Variants in BICC1 observed in about 807,000 individuals in gnomAD.
BICC1 encodes the protein protein bicaudal C homolog 1.
BICC1 carries 43 observed loss-of-function variants against 111.0 expected under a neutral mutation model. The observed-to-expected ratio is 0.39, with a 90% CI of 0.30 to 0.50. The LOEUF (loss-of-function observed/expected upper bound fraction) is 0.50, where lower values mean the gene tolerates loss of function less well. BICC1 is among the 20% of genes least tolerant of loss of function. The pLI is 0.88. For synonymous variants in BICC1, 467 were observed against 434.4 expected, an observed-to-expected ratio of 1.07 and a Z score of -0.93; for missense variants, 1,091 against 1,203.2, an observed-to-expected ratio of 0.91 and a Z score of 1.38.
At chr10:58,518,688 T>C (rs557178743) in intron 1 of BICC1, among the ~76,000 whole-genome samples, 1 of 152,152 alleles carries the variant, frequency 6.6e-6, no homozygotes, top group South Asian at 2.1e-4. Context: ...GAGAGCATAG[T>C]TGCAATTAAA....
chr10:58,683,369 C>CT (rs1455563933), intron 2 of BICC1, among the ~76,000 whole-genome samples: 1 of 152,094 alleles, frequency 6.6e-6, no homozygotes, highest in Non-Finnish European at 1.5e-5. Context: ...AATGCGGGCT[C>CT]TTTTTTGGAT....
At position 58,610,819 on chromosome 10, in the gene BICC1, A is replaced by G. The variant is rs186136384; in HGVS notation, c.191-10036A>G. 7.9e-5 allele frequency among the ~76,000 whole-genome samples: 12 copies of G among 152,180 alleles called. No individual in the cohort carries two copies. The East Asian group carries it at 1.4e-3, about 17-fold the overall frequency. On this transcript the variant is annotated intron_variant, in intron 1 of 20. Coordinates refer to ENST00000373886, the MANE Select transcript of BICC1 (RefSeq NM_001080512.3). ...CTATTTCTGTCTTCTTTGGCTAGCT[A>G]TTGAGTTTGGATATAACTCACAGAG...
intron 3 of BICC1, among the ~76,000 whole-genome samples, chr10:58,734,947 T>G (rs1841423765): frequency 6.6e-6 from 1 of 152,188 alleles, no homozygotes; most frequent in African/African-American, 2.4e-5. Flanking sequence ...AAGCAGATCT[T>G]ACAGAATGAA....
chr10:58,599,201 A>T (rs149728738), intron 1 of BICC1, among the ~76,000 whole-genome samples: 1 of 152,130 alleles, frequency 6.6e-6, no homozygotes, highest in Admixed American at 6.6e-5. Flanking sequence ...ACATGCACAC[A>T]TATGTTTATT....
chr10:58,690,888 T>G (rs1185832270), intron 2 of BICC1, among the ~76,000 whole-genome samples: 3 of 152,214 alleles, frequency 2.0e-5, no homozygotes, highest in African/African-American at 7.2e-5. Flanking sequence ...AATTGGAGAC[T>G]AGAAAATTGC....
chr10:58,758,245 G>A (rs376343162), intron 3 of BICC1, among the ~76,000 whole-genome samples: 16 of 152,138 alleles, frequency 1.1e-4, no homozygotes, highest in South Asian at 2.1e-4. Context: ...ATAAGTTTGC[G>A]GTTCCCAAGT....
At chr10:58,657,073 G>A (rs1229922097) in intron 2 of BICC1, among the ~76,000 whole-genome samples, 1 of 152,082 alleles carries the variant, frequency 6.6e-6, no homozygotes, top group East Asian at 1.9e-4. Context: ...TTAAGTAGGT[G>A]CTGTTGTCAA....
chr10:58,634,341 C>T (rs976057963), intron 2 of BICC1, among the ~76,000 whole-genome samples: 6 of 152,096 alleles, frequency 3.9e-5, no homozygotes, highest in Non-Finnish European at 8.8e-5. Flanking sequence ...TGTTCCTGTT[C>T]CCATTTCTCC....
At chr10:58,782,916 CA>C (rs1243048789) in intron 3 of BICC1, among the ~76,000 whole-genome samples, 1 of 152,146 alleles carries the variant, frequency 6.6e-6, no homozygotes. Flanking sequence ...TAGAGTATAA[CA>C]GAGAAAGGGC....
chr10:58,535,626 C>T (rs1279778944), intron 1 of BICC1, among the ~76,000 whole-genome samples: 1 of 151,556 alleles, frequency 6.6e-6, no homozygotes, highest in East Asian at 1.9e-4. Context: ...GGATAGAAAC[C>T]TCTGAAAACA....
intron 4 of BICC1, among the ~76,000 whole-genome samples, 193 bp from the exon 5 acceptor site, chr10:58,786,730 A>G (rs1276958650): frequency 6.6e-6 from 1 of 152,232 alleles, no homozygotes; most frequent in Non-Finnish European, 1.5e-5. Context: ...CTTTCTTAAA[A>G]TGAGAATTTC....
chr10:58,530,231 T>G (rs1842644466), intron 1 of BICC1, among the ~76,000 whole-genome samples: 1 of 151,554 alleles, frequency 6.6e-6, no homozygotes, highest in African/African-American at 2.4e-5. Flanking sequence ...GACCAAGAAG[T>G]GAAATGAGGG....
At chr10:58,645,751 C>T (rs1485642587) in intron 2 of BICC1, among the ~76,000 whole-genome samples, 1 of 152,198 alleles carries the variant, frequency 6.6e-6, no homozygotes, top group Non-Finnish European at 1.5e-5. Context: ...TAAACGAAGG[C>T]ACATTGTCCA....
chr10:58,622,250 G>C (rs1344897863), intron 2 of BICC1, among the ~76,000 whole-genome samples: 1 of 152,156 alleles, frequency 6.6e-6, no homozygotes, highest in Non-Finnish European at 1.5e-5. Context: ...GGCTCTGATG[G>C]TAAAAATAGA....
intron 1 of BICC1, among the ~76,000 whole-genome samples, chr10:58,548,754 C>T (rs1015852702): frequency 1.3e-5 from 2 of 152,110 alleles, no homozygotes; most frequent in Non-Finnish European, 2.9e-5. Flanking sequence ...GGCTCAACAT[C>T]ATATTTATGT....
chr10:58,739,039 A>G (rs932580219), intron 3 of BICC1, among the ~76,000 whole-genome samples: 1 of 152,052 alleles, frequency 6.6e-6, no homozygotes, highest in Non-Finnish European at 1.5e-5. Flanking sequence ...AACAGGGACA[A>G]TTTGACTTCC....
At chr10:58,604,077 G>A (rs563895565) in intron 1 of BICC1, among the ~76,000 whole-genome samples, 1 of 152,054 alleles carries the variant, frequency 6.6e-6, no homozygotes, top group African/African-American at 2.4e-5. Flanking sequence ...GCCTTTCTTT[G>A]CTTCTGCTTT....
rs576877374 is a variant in BICC1, at chr10:58,730,924, G to A, written c.307+28781G>A. On this transcript the variant is annotated intron_variant, in intron 3 of 20. Transcript: ENST00000373886. ...ATGATGGGAGATTATGCAAATTCCTGCAGCCTGCTTGAATTCCTCCTTTGA... is the reference window on the plus strand; with the variant it reads ...ATGATGGGAGATTATGCAAATTCCTACAGCCTGCTTGAATTCCTCCTTTGA... 1.7e-3 allele frequency among the ~76,000 whole-genome samples: 260 copies of A among 152,242 alleles called. 1 individual carries two copies. Among genetic ancestry groups the A allele is most frequent in the Non-Finnish European group, 3.3e-3 (223 of 68,008 alleles).
chr10:58,634,709 A>C (rs2132186930), intron 2 of BICC1, among the ~76,000 whole-genome samples: 1 of 152,272 alleles, frequency 6.6e-6, no homozygotes, highest in Non-Finnish European at 1.5e-5. Context: ...GCAGTCAAAA[A>C]TTTGTGTATA....
Sources: gnomAD v4.1 joint callset for allele counts (sites outside exome capture counted in the v4.1 genomes callset) on GRCh38, gnomAD v4.1.1 for gene constraint, MANE v1.5 for transcripts, NCBI Gene and HGNC (gene_info 2026-07-23, HGNC 2026-07-21) for gene names.